The following SLC38A10 variants were observed in gnomAD, a reference collection of about 807,000 sequenced individuals.
SLC38A10 encodes the protein solute carrier family 38 member 10.
A neutral mutation model predicts 81.0 loss-of-function variants in SLC38A10; 53 were observed. That is an observed-to-expected ratio of 0.65 (90% CI 0.53 to 0.82). The LOEUF (loss-of-function observed/expected upper bound fraction) is 0.82. SLC38A10 is among the 40% of genes least tolerant of loss of function. The probability of loss-of-function intolerance (pLI) is 0.00; values close to 1 mark genes in which losing one functional copy is unlikely to be tolerated. For missense variants in SLC38A10, 1,471 were observed against 1,545.0 expected (o/e 0.95, Z 0.80); for synonymous variants, 665 against 655.3 (o/e 1.01, Z -0.23).
intron 10 of SLC38A10, among the ~76,000 whole-genome samples, chr17:81,267,396 A>G (rs960818241): frequency 2.0e-5 from 3 of 152,184 alleles, no homozygotes; most frequent in African/African-American, 7.2e-5. Flanking sequence ...AATTCTAACT[A>G]TGGCCCTCCC....
chr17:81,247,247 G>GGCC, intron 14 of SLC38A10, 186 bp from the exon 15 acceptor site: 1 of 554,270 alleles, frequency 1.8e-6, no homozygotes, highest in Non-Finnish European at 2.9e-6. Flanking sequence ...GATGCACGCA[G>GGCC]GCCTGAGGGC....
chr17:81,250,482 G>C (rs1598378446), intron 14 of SLC38A10, among the ~76,000 whole-genome samples: 1 of 152,366 alleles, frequency 6.6e-6, no homozygotes. Context: ...AACATCCTGG[G>C]AGGTGCCCGT....
Position 81,246,309 on chromosome 17 carries a change from GC to G in SLC38A10, c.2606del (p.Gly869AlafsTer39). 1.2e-6 allele frequency: 2 copies of G among 1,610,766 alleles called. No individual in the cohort carries two copies. ...ATTCCTCTGCGAGGCGCTCCTCTGG[GC>G]CCCCGGCTTCCCTGGCGGGGTCTGG... ...PVPDPAREAG[G>X]PEERLAEEFP... On this transcript the variant is annotated frameshift_variant, in exon 16 of 16. Coordinates refer to ENST00000374759, the MANE Select transcript of SLC38A10 (RefSeq NM_001037984.3). LOFTEE classifies it low-confidence loss of function (END_TRUNC).
chr17:81,271,748 A>ATT lies in SLC38A10; in HGVS notation c.1025-726_1025-725dup, dbSNP rs756214430. On this transcript the variant is annotated intron_variant, in intron 9 of 15. Coordinates refer to ENST00000374759, the MANE Select transcript of SLC38A10 (RefSeq NM_001037984.3). The stretch of plus-strand genomic sequence containing the variant: ...GCCTGCTGTTCCATCAAGCTGACAG[A>ATT]TTTTTTTTTTTTTTTTTTTTTTGGC... 4.3e-3 allele frequency among the ~76,000 whole-genome samples: 523 copies of ATT among 121,102 alleles called. 5 individuals carry two copies. Among genetic ancestry groups the ATT allele is most frequent in the Middle Eastern group, 9.5e-3 (2 of 210 alleles). 79.4% of individuals were successfully genotyped at this position (121,102 alleles called of 152,430 possible). A position where few individuals can be genotyped will look rare whatever the true frequency, so the allele number is the denominator to read the frequency against.
At chr17:81,290,293 A>G (rs1254413867) in intron 1 of SLC38A10, among the ~76,000 whole-genome samples, 2 of 152,260 alleles carry the variant, frequency 1.3e-5, no homozygotes, top group Non-Finnish European at 2.9e-5. Flanking sequence ...AAACGTGTTC[A>G]TGAAAAACCT....
intron 14 of SLC38A10, 149 bp from the exon 15 acceptor site, chr17:81,247,210 G>T: frequency 1.2e-6 from 1 of 813,746 alleles, no homozygotes; most frequent in Non-Finnish European, 1.8e-6. Context: ...CATCATGACT[G>T]TGACCGTGAA....
At chr17:81,287,784 C>G (rs957926980) in intron 2 of SLC38A10, among the ~76,000 whole-genome samples, 1 of 152,222 alleles carries the variant, frequency 6.6e-6, no homozygotes, top group East Asian at 1.9e-4. Flanking sequence ...AATGAATAGA[C>G]AGCTGGCTAT....
chr17:81,276,946 C>A lies in SLC38A10; in HGVS notation c.729+85G>T, dbSNP rs1349574098. The A allele has an allele frequency of 3.7e-6, 5 of 1,355,468 alleles. No individual in the cohort carries two copies. The highest frequency in any genetic ancestry group is 5.3e-6 in the Non-Finnish European group (5 of 949,462). The allele number at this position is 1,355,468 out of a possible 1,614,324, so 84.0% of individuals were successfully genotyped here. ...AACCCAGCAGCACACAGGGCCAGGG[C>A]CATGCCTGTGGCAGTCCCACGGGGC... On this transcript the variant is annotated intron_variant, in intron 7 of 15. Transcript: ENST00000374759. The surrounding 1 kb of genome is among the most constrained non-coding windows in gnomAD (Gnocchi z 4.7).
At position 81,253,715 on chromosome 17, in the gene SLC38A10, CCATCAT is replaced by C. The variant is rs375553783; in HGVS notation, c.1289-481_1289-476del. Reference sequence around the variant, plus strand: ...ATCACCATCATCACCATCACCATCACCATCATCACCATCTCCATCCCTACCACCATC... The same window carrying C: ...ATCACCATCATCACCATCACCATCACCACCATCTCCATCCCTACCACCATC... On this transcript the variant is annotated intron_variant, in intron 11 of 15. Transcript: ENST00000374759. The surrounding 1 kb of genome is among the most constrained non-coding windows in gnomAD (Gnocchi z 4.1). Among the ~76,000 whole-genome samples the C allele has an allele frequency of 7.0e-4, 83 of 119,134 alleles. 1 individual carries two copies. In the East Asian group the frequency reaches 0.013, roughly 19 times the overall value. The allele number at this position is 119,134 out of a possible 152,430, so 78.2% of individuals were successfully genotyped here. A position where few individuals can be genotyped will look rare whatever the true frequency, so the allele number is the denominator to read the frequency against.
rs907718709 is a variant in SLC38A10, at chr17:81,286,686, G to A, written c.218-1791C>T. 1.8e-4 allele frequency among the ~76,000 whole-genome samples: 27 copies of A among 152,264 alleles called. No homozygotes were observed. Among genetic ancestry groups the A allele is most frequent in the Admixed American group, 1.0e-3 (16 of 15,302 alleles). ...TCTGTGAGCGGCGAGCTCTGAGGGC[G>A]CGGCCTCCATGCAGGGTGTACCCTA... On this transcript the variant is annotated intron_variant, in intron 2 of 15. Transcript: ENST00000374759. This position sits in a 1 kb window ranked among gnomAD's most constrained non-coding sequence, Gnocchi z 6.0.
At position 81,246,175 on chromosome 17, in the gene SLC38A10, A is replaced by C. The variant is rs1408913254; in HGVS notation, c.2741T>G (p.Val914Gly). ...CCCCGTCTCTGCTCCTGGCCCTGCC[A>C]CGAGCCAGTTGGCTTCCTTCAGAAT... ...TSILKEANWL[V>G]AGPGAETGDP... The change falls in exon 16 of 16, where the codon GTG becomes GGG. Residue 914 changes from valine to glycine, a missense_variant. Transcript: ENST00000374759. The C allele has an allele frequency of 9.9e-6, 16 of 1,612,244 alleles. No individual in the cohort carries two copies. The highest frequency in any genetic ancestry group is 1.3e-5 in the African/African-American group (1 of 74,950).
Position 81,276,006 on chromosome 17 carries a change from C to T in SLC38A10, c.875G>A (p.Cys292Tyr). The change falls in exon 8 of 16, where the codon TGC becomes TAC. Residue 292 changes from cysteine (C) to tyrosine (Y), a missense_variant. Around this residue, in one of 2 missense-constraint regions of SLC38A10, gnomAD observed 720 missense variants for 827.7 expected, o/e 0.87. Transcript: ENST00000374759. The surrounding 1 kb of genome is among the most constrained non-coding windows in gnomAD (Gnocchi z 4.7). Reference protein sequence around the residue: ...AVGFPMMILPCRQALSTLLCE... With the variant: ...AVGFPMMILPYRQALSTLLCE... ...CAGCAGCGTGCTCAGGGCCTGCCTGCATGGCAGGATCATCATGGGGAAGCC... is the reference window on the plus strand; with the variant it reads ...CAGCAGCGTGCTCAGGGCCTGCCTGTATGGCAGGATCATCATGGGGAAGCC... The T allele has an allele frequency of 6.2e-7, 1 of 1,613,718 alleles. No homozygotes were observed. Among genetic ancestry groups the T allele is most frequent in the Non-Finnish European group, 8.5e-7 (1 of 1,180,006 alleles).
intron 14 of SLC38A10, among the ~76,000 whole-genome samples, chr17:81,250,616 G>A (rs1468293450): frequency 1.7e-4 from 26 of 152,242 alleles, no homozygotes; most frequent in Admixed American, 1.6e-3. Flanking sequence ...TGAGGCACAC[G>A]TGGACCCCGC....
rs1171138873 is a variant in SLC38A10, at chr17:81,253,124, C to T, written c.1405G>A (p.Glu469Lys). The T allele has an allele frequency of 6.2e-7, 1 of 1,613,938 alleles. No homozygotes were observed. Among genetic ancestry groups the T allele is most frequent in the Admixed American group, 1.7e-5 (1 of 60,016 alleles). ...TCCTCCGGTGCCTCCTTGCCATCTT[C>T]CCGTCCAGGCACATCCACGGGCCCC... ...IKGPVDVPGR[E>K]DGKEAPEEAQ... The change falls in exon 12 of 16, where the codon GAA (glutamate) becomes AAA (lysine). Residue 469 changes from glutamate to lysine, a missense_variant. By Grantham distance (56) the Glu-to-Lys change is moderately conservative. Coordinates refer to ENST00000374759, the MANE Select transcript of SLC38A10 (RefSeq NM_001037984.3). The surrounding 1 kb of genome is among the most constrained non-coding windows in gnomAD (Gnocchi z 4.1).
rs575862114 is a variant in SLC38A10 at position 81,265,766 on chromosome 17, C to T, written c.1131+5152G>A. Among the ~76,000 whole-genome samples, 38 of 152,374 alleles carry T rather than the reference C, an allele frequency of 2.5e-4. No individual in the cohort carries two copies. The highest frequency in any genetic ancestry group is 4.9e-4 in the Non-Finnish European group (33 of 68,036). On this transcript the variant is annotated intron_variant, in intron 10 of 15. Coordinates refer to ENST00000374759, the MANE Select transcript of SLC38A10 (RefSeq NM_001037984.3). This position sits in a 1 kb window ranked among gnomAD's most constrained non-coding sequence, Gnocchi z 4.2. ...CCAGGGTACGGCCTTGCGGTGCTGACATCTCCGTACCTAAGGAAACAGGGC... is the reference window on the plus strand; with the variant it reads ...CCAGGGTACGGCCTTGCGGTGCTGATATCTCCGTACCTAAGGAAACAGGGC...
rs2062842037 is a variant in SLC38A10 at position 81,245,710 on chromosome 17, C to G, written c.3206G>C (p.Gly1069Ala). The change falls in exon 16 of 16, where the codon GGG (glycine) becomes GCG (alanine). Residue 1069 changes from glycine (G) to alanine (A), a missense_variant. Around this residue, in one of 2 missense-constraint regions of SLC38A10, gnomAD observed 751 missense variants for 717.4 expected, o/e 1.05. Coordinates refer to ENST00000374759, the MANE Select transcript of SLC38A10 (RefSeq NM_001037984.3). ...HAEGQLAPRD[G>A]VIIGLNPLPD... ...CAGGGGGTTAAGGCCAATGATGACCCCATCCCTCGGGGCCAGCTGACCCTC... is the reference window on the plus strand; with the variant it reads ...CAGGGGGTTAAGGCCAATGATGACCGCATCCCTCGGGGCCAGCTGACCCTC... 7.5e-6 allele frequency: 12 copies of G among 1,595,676 alleles called. No individual in the cohort carries two copies. The highest frequency in any genetic ancestry group is 1.0e-5 in the Non-Finnish European group (12 of 1,168,642).
chr17:81,253,898 T>TCAC lies in SLC38A10; in HGVS notation c.1289-661_1289-659dup, dbSNP rs1372936049. Among the ~76,000 whole-genome samples, 11 of 150,954 alleles carry TCAC rather than the reference T, an allele frequency of 7.3e-5. No homozygotes were observed. Among genetic ancestry groups the TCAC allele is most frequent in the African/African-American group, 2.4e-4 (10 of 40,884 alleles). Reference sequence around the variant, plus strand: ...ATCATCATCACCATCACCACTACCATCACCACCATCACTGCCAACCCTACC... The same window carrying TCAC: ...ATCATCATCACCATCACCACTACCATCACCACCACCATCACTGCCAACCCTACC... On this transcript the variant is annotated intron_variant, in intron 11 of 15. Transcript: ENST00000374759. This position sits in a 1 kb window ranked among gnomAD's most constrained non-coding sequence, Gnocchi z 4.1.
rs536640592 is a variant in SLC38A10, at chr17:81,251,317, G to A, written c.2065+176C>T. On this transcript the variant is annotated intron_variant, in intron 14 of 15. Coordinates refer to ENST00000374759, the MANE Select transcript of SLC38A10 (RefSeq NM_001037984.3). The stretch of plus-strand genomic sequence containing the variant: ...CAGATAAAAGGTTCCCAGAAAGCAA[G>A]CTGCTGATGGGAAGGGAGCAGAAAG... 116 of 1,612,992 alleles carry A rather than the reference G, an allele frequency of 7.2e-5. No individual in the cohort carries two copies. The South Asian group carries it at 1.2e-3, about 16-fold the overall frequency.
At position 81,270,931 on chromosome 17, in the gene SLC38A10, G is replaced by A. The variant is rs1268198053; in HGVS notation, c.1118C>T (p.Ala373Val). 5 of 1,613,994 alleles carry A rather than the reference G, an allele frequency of 3.1e-6. No homozygotes were observed. The highest frequency in any genetic ancestry group is 1.6e-4 in the Middle Eastern group (1 of 6,062). The change falls in exon 10 of 16, where the codon GCA becomes GTA. Residue 373 changes from alanine to valine, a missense_variant. By Grantham distance (64) the Ala-to-Val change is moderately conservative. This residue lies in a region of SLC38A10 where 720 missense variants were observed against 827.7 expected (regional missense o/e 0.87). Coordinates refer to ENST00000374759, the MANE Select transcript of SLC38A10 (RefSeq NM_001037984.3). This position sits in a 1 kb window ranked among gnomAD's most constrained non-coding sequence, Gnocchi z 4.0. ...ALIYKKIHKN[A>V]LSSQVVLWVG... ...AGCAGCACGCACCTGGGAGGAAAGT[G>A]CGTTCTTGTGGATTTTCTTGTAGAT... is the stretch of plus-strand genomic sequence containing the variant.
Sources: allele counts gnomAD v4.1 joint callset (sites outside exome capture counted in the v4.1 genomes callset), GRCh38; gene constraint gnomAD v4.1.1; regional missense constraint gnomAD v4.1.1; non-coding constraint Gnocchi (gnomAD v3.1); transcripts MANE v1.5; gene names NCBI Gene and HGNC (gene_info 2026-07-23, HGNC 2026-07-21).